The following FAM135B variants were observed in gnomAD, a reference collection of about 807,000 sequenced individuals.
FAM135B encodes family with sequence similarity 135 member B, also known as protein FAM135B.
FAM135B carries 43 observed loss-of-function variants against 127.7 expected under a neutral mutation model. The ratio of observed to expected loss-of-function variants is 0.34; its 90% CI spans 0.26 to 0.43. The LOEUF (loss-of-function observed/expected upper bound fraction) is 0.43, where lower values mean the gene tolerates loss of function less well. FAM135B is among the 20% of genes least tolerant of loss of function. FAM135B has a pLI of 1.00. For synonymous variants in FAM135B, 670 were observed against 665.1 expected, an observed-to-expected ratio of 1.01 and a Z score of -0.11; for missense variants, 1,558 against 1,725.6, an observed-to-expected ratio of 0.90 and a Z score of 1.72.
intron 1 of FAM135B, among the ~76,000 whole-genome samples, chr8:138,478,136 A>G (rs1814600303): frequency 1.3e-5 from 2 of 152,158 alleles, no homozygotes. Flanking sequence ...CCCCAAAACA[A>G]GATGAAATCC....
chr8:138,234,182 T>TA lies in FAM135B; in HGVS notation c.669+8759dup, dbSNP rs201172460. ...ATTAAACTTGTCAACACTTATCTTG[T>TA]AAAAAAAAGATGTGTTGACAACAGT... is the stretch of plus-strand genomic sequence containing the variant. On this transcript the variant is annotated intron_variant, in intron 7 of 19. Transcript: ENST00000395297. Among the ~76,000 whole-genome samples the TA allele has an allele frequency of 8.7e-3, 1,326 of 151,920 alleles. 21 individuals carry two copies. Among genetic ancestry groups the TA allele is most frequent in the African/African-American group, 0.031 (1,271 of 41,444 alleles).
intron 1 of FAM135B, chr8:138,437,835 T>TG (rs1451697677): frequency 6.6e-6 from 1 of 152,208 alleles, no homozygotes; most frequent in African/African-American, 2.4e-5. Context: ...CATGGCTTAC[T>TG]GCAGCCATTC....
intron 9 of FAM135B, among the ~76,000 whole-genome samples, chr8:138,187,896 C>A (rs1468652790): frequency 6.6e-6 from 1 of 152,176 alleles, no homozygotes; most frequent in African/African-American, 2.4e-5. Flanking sequence ...GGGGACTGAG[C>A]TAATCAACAA....
chr8:138,148,185 C>A (rs1283577032), intron 14 of FAM135B, among the ~76,000 whole-genome samples: 3 of 152,188 alleles, frequency 2.0e-5, no homozygotes, highest in Non-Finnish European at 4.4e-5. Flanking sequence ...ACATTAATTT[C>A]ATTAATTCAT....
At chr8:138,480,763 G>A (rs1307644919) in intron 1 of FAM135B, among the ~76,000 whole-genome samples, 1 of 152,174 alleles carries the variant, frequency 6.6e-6, no homozygotes, top group African/African-American at 2.4e-5. Context: ...GCAGGACTGT[G>A]AGTCCGTCTC....
intron 1 of FAM135B, among the ~76,000 whole-genome samples, chr8:138,370,975 C>T (rs1831074455): frequency 6.6e-6 from 1 of 152,174 alleles, no homozygotes; most frequent in Non-Finnish European, 1.5e-5. Context: ...GAGTCCCACA[C>T]CAGACCTACT....
At chr8:138,198,341 C>T (rs1816829067) in intron 7 of FAM135B, among the ~76,000 whole-genome samples, 2 of 152,166 alleles carry the variant, frequency 1.3e-5, no homozygotes, top group African/African-American at 4.8e-5. Context: ...ATAAATTACC[C>T]AGCCTTGGGT....
At chr8:138,258,792 AG>A (rs1822302678) in intron 4 of FAM135B, among the ~76,000 whole-genome samples, 1 of 117,052 alleles carries the variant, frequency 8.5e-6, no homozygotes, top group African/African-American at 3.5e-5. Flanking sequence ...CCCTTCAAAA[AG>A]ACACACACAC....
intron 12 of FAM135B, among the ~76,000 whole-genome samples, chr8:138,162,141 T>C (rs1003592732): frequency 2.0e-5 from 3 of 152,188 alleles, no homozygotes; most frequent in Admixed American, 2.0e-4. Flanking sequence ...TGAGTACTAG[T>C]TATAACAGTG....
intron 2 of FAM135B, among the ~76,000 whole-genome samples, chr8:138,334,504 G>A (rs1341056189): frequency 1.3e-5 from 2 of 152,114 alleles, no homozygotes; most frequent in Non-Finnish European, 2.9e-5. Flanking sequence ...ATTAAGCCCA[G>A]TACCCATTAG....
At chr8:138,136,272 T>G (rs900025353) in intron 19 of FAM135B, among the ~76,000 whole-genome samples, 1 of 152,138 alleles carries the variant, frequency 6.6e-6, no homozygotes, top group Non-Finnish European at 1.5e-5. Flanking sequence ...TATTTTTTGA[T>G]AGTACCTTAA....
At chr8:138,360,928 C>CTT (rs5895517) in intron 2 of FAM135B, among the ~76,000 whole-genome samples, 4 of 140,766 alleles carry the variant, frequency 2.8e-5, no homozygotes, top group East Asian at 2.1e-4. Context: ...TCCATTTCTT[C>CTT]TTTTTTTTTT....
At chr8:138,440,217 G>C (rs953376935) in intron 1 of FAM135B, 5 of 152,070 alleles carry the variant, frequency 3.3e-5, no homozygotes, top group Admixed American at 6.6e-5. Context: ...CCATATTAAG[G>C]TCATCGCCCC....
intron 12 of FAM135B, among the ~76,000 whole-genome samples, chr8:138,154,402 C>A (rs1818494314): frequency 6.6e-6 from 1 of 152,172 alleles, no homozygotes; most frequent in Non-Finnish European, 1.5e-5. Context: ...AGGAACACAG[C>A]TCTTCACCAG....
At chr8:138,165,122 A>ATT (rs5895498) in intron 12 of FAM135B, among the ~76,000 whole-genome samples, 20 of 142,508 alleles carry the variant, frequency 1.4e-4, no homozygotes, top group African/African-American at 3.6e-4. Context: ...TATTTAATTG[A>ATT]TTTTTTTTTT....
chr8:138,216,724 G>T (rs1818576107), intron 7 of FAM135B, among the ~76,000 whole-genome samples: 1 of 152,166 alleles, frequency 6.6e-6, no homozygotes, highest in African/African-American at 2.4e-5. Context: ...CCAGTGATGG[G>T]TTGCTCATTA....
At chr8:138,196,596 A>G (rs1376696145) in intron 8 of FAM135B, among the ~76,000 whole-genome samples, 1 of 152,224 alleles carries the variant, frequency 6.6e-6, no homozygotes, top group Non-Finnish European at 1.5e-5. Flanking sequence ...CCATTGACCC[A>G]GTCAAAACCA....
At chr8:138,232,248 G>A (rs1007530085) in intron 7 of FAM135B, among the ~76,000 whole-genome samples, 2 of 88,774 alleles carry the variant, frequency 2.3e-5, no homozygotes, top group Non-Finnish European at 4.9e-5. Context: ...AGGACATAGT[G>A]GGGGGGAGCC....
chr8:138,199,828 A>C (rs1309794434), intron 7 of FAM135B, among the ~76,000 whole-genome samples: 1 of 152,144 alleles, frequency 6.6e-6, no homozygotes, highest in African/African-American at 2.4e-5. Flanking sequence ...AGAGGGGGAA[A>C]CTGCCCCAAT....
Sources: gnomAD v4.1 joint callset for allele counts (sites outside exome capture counted in the v4.1 genomes callset) on GRCh38, gnomAD v4.1.1 for gene constraint, MANE v1.5 for transcripts, NCBI Gene and HGNC (gene_info 2026-07-23, HGNC 2026-07-21) for gene names.